PDGFD: variants seen among roughly 807,000 people sequenced by gnomAD.
PDGFD encodes the protein platelet derived growth factor D.
A neutral mutation model predicts 44.7 loss-of-function variants in PDGFD; 30 were observed. The observed-to-expected ratio is 0.67, with a 90% CI of 0.50 to 0.91. The LOEUF is 0.91. Ranked by LOEUF, PDGFD falls within the 40% of genes least tolerant of loss-of-function variation. The pLI is 0.00. For synonymous variants in PDGFD, 173 were observed against 168.4 expected (o/e 1.03, Z -0.21); for missense variants, 445 against 457.8 (o/e 0.97, Z 0.25).
chr11:103,911,342 G>T (rs529257470), intron 6 of PDGFD, among the ~76,000 whole-genome samples: 2 of 152,160 alleles, frequency 1.3e-5, no homozygotes, highest in African/African-American at 2.4e-5. Flanking sequence ...ACAGGGTCTG[G>T]AGTGGACCTC....
intron 5 of PDGFD, among the ~76,000 whole-genome samples, chr11:103,940,839 G>A (rs1360313437): frequency 1.3e-5 from 2 of 152,068 alleles, no homozygotes; most frequent in Non-Finnish European, 2.9e-5. Context: ...AAGCCAGCAG[G>A]GGAGAGAGAC....
intron 1 of PDGFD, among the ~76,000 whole-genome samples, chr11:104,023,492 A>T (rs1003572485): frequency 6.6e-6 from 1 of 151,594 alleles, no homozygotes; most frequent in Non-Finnish European, 1.5e-5. Context: ...AGTAGAAGAG[A>T]AAAAAAAAGA....
chr11:104,042,891 G>A (rs1860380027), intron 1 of PDGFD, among the ~76,000 whole-genome samples: 1 of 152,124 alleles, frequency 6.6e-6, no homozygotes, highest in South Asian at 2.1e-4. Flanking sequence ...CACATATTCT[G>A]CCTTTCAAAC....
intron 1 of PDGFD, among the ~76,000 whole-genome samples, chr11:104,119,869 T>TAA (rs944697427): frequency 2.6e-5 from 2 of 78,176 alleles, no homozygotes; most frequent in Non-Finnish European, 5.2e-5. Context: ...ATTATATATA[T>TAA]AATCAATTAT....
At chr11:104,016,067 G>C (rs1173106406) in intron 1 of PDGFD, among the ~76,000 whole-genome samples, 1 of 152,144 alleles carries the variant, frequency 6.6e-6, no homozygotes, top group Non-Finnish European at 1.5e-5. Flanking sequence ...TATTTGCACA[G>C]TATCACATGC....
chr11:104,096,373 T>C (rs1037415061), intron 1 of PDGFD, among the ~76,000 whole-genome samples: 4 of 152,190 alleles, frequency 2.6e-5, no homozygotes, highest in African/African-American at 9.6e-5. Context: ...GCATTCACTG[T>C]ATAATTTAAA....
intron 1 of PDGFD, among the ~76,000 whole-genome samples, chr11:104,055,008 AC>A (rs1860598863): frequency 6.6e-6 from 1 of 152,228 alleles, no homozygotes; most frequent in Non-Finnish European, 1.5e-5. Context: ...CATCTGGCAT[AC>A]AGAAGTTTAT....
intron 1 of PDGFD, among the ~76,000 whole-genome samples, chr11:104,134,848 T>A (rs558704671): frequency 6.6e-6 from 1 of 152,342 alleles, no homozygotes; most frequent in East Asian, 1.9e-4. Flanking sequence ...CTCTTCCTTC[T>A]GAAGGCACAA....
At chr11:104,114,963 A>G (rs530126743) in intron 1 of PDGFD, among the ~76,000 whole-genome samples, 14 of 150,686 alleles carry the variant, frequency 9.3e-5, no homozygotes, top group Middle Eastern at 3.4e-3. Context: ...TAAGTTCTTT[A>G]GTGGTGATTT....
At chr11:104,057,669 T>A (rs1197910151) in intron 1 of PDGFD, among the ~76,000 whole-genome samples, 1 of 152,088 alleles carries the variant, frequency 6.6e-6, no homozygotes, top group Admixed American at 6.6e-5. Context: ...ACCCCCTGAA[T>A]CTAAAATAAA....
At chr11:104,123,519 C>T (rs1205384858) in intron 1 of PDGFD, among the ~76,000 whole-genome samples, 1 of 151,934 alleles carries the variant, frequency 6.6e-6, no homozygotes, top group Non-Finnish European at 1.5e-5. Flanking sequence ...TGAGTACAGG[C>T]ATCTATTATT....
chr11:104,092,516 C>G (rs958195747), intron 1 of PDGFD, among the ~76,000 whole-genome samples: 2 of 152,054 alleles, frequency 1.3e-5, no homozygotes, highest in African/African-American at 4.8e-5. Context: ...ATGTTAAAAT[C>G]AACTGAAACG....
intron 1 of PDGFD, among the ~76,000 whole-genome samples, chr11:104,150,703 A>G (rs12273865): frequency 0.21 from 32,005 of 151,902 alleles, 3,436 homozygotes; most frequent in East Asian, 0.26. Flanking sequence ...TGGCTTGTGG[A>G]TGCATTACTC....
chr11:104,107,735 C>A (rs1221432775), intron 1 of PDGFD, among the ~76,000 whole-genome samples: 1 of 152,068 alleles, frequency 6.6e-6, no homozygotes, highest in East Asian at 1.9e-4. Context: ...TGACTTTTGG[C>A]AAGTAATTCA....
At chr11:103,912,767 A>G (rs1858050850) in intron 6 of PDGFD, among the ~76,000 whole-genome samples, 1 of 151,758 alleles carries the variant, frequency 6.6e-6, no homozygotes, top group Non-Finnish European at 1.5e-5. Context: ...TAGGCTCAAA[A>G]TAAAGGGATG....
At position 103,996,046 on chromosome 11, in the gene PDGFD, A is replaced by G; in HGVS notation, c.510+19T>C. ...GAAACCAGTGTCTGCTTTTAATCAT[A>G]AAGTGGTTAAGTACTCACCAGCAAA... On this transcript the variant is annotated intron_variant, in intron 3 of 6. Coordinates refer to ENST00000393158, the MANE Select transcript of PDGFD (RefSeq NM_025208.5). 6.3e-7 allele frequency: 1 copy of G among 1,596,386 alleles called. No homozygotes were observed. The highest frequency in any genetic ancestry group is 8.6e-7 in the Non-Finnish European group (1 of 1,169,512).
At chr11:103,943,885 A>T (rs1484024290) in intron 4 of PDGFD, among the ~76,000 whole-genome samples, 1 of 151,794 alleles carries the variant, frequency 6.6e-6, no homozygotes, top group Non-Finnish European at 1.5e-5. Context: ...TAGATCAGAA[A>T]ACTTCCAGTT....
At chr11:103,953,458 C>G (rs948305838) in intron 3 of PDGFD, among the ~76,000 whole-genome samples, 2 of 152,136 alleles carry the variant, frequency 1.3e-5, no homozygotes, top group Non-Finnish European at 2.9e-5. Context: ...TTGGTTAGCA[C>G]TGACATATTC....
chr11:104,134,704 G>A (rs1307101153), intron 1 of PDGFD, among the ~76,000 whole-genome samples: 1 of 152,172 alleles, frequency 6.6e-6, no homozygotes, highest in East Asian at 1.9e-4. Context: ...ACACGAAGAT[G>A]TCTCCTGGAA....
Sources: allele counts gnomAD v4.1 joint callset (sites outside exome capture counted in the v4.1 genomes callset), GRCh38; gene constraint gnomAD v4.1.1; transcripts MANE v1.5; gene names NCBI Gene and HGNC (gene_info 2026-07-23, HGNC 2026-07-21).